MINDY4: variants seen among roughly 807,000 people sequenced by gnomAD.
The protein encoded by MINDY4 is probable ubiquitin carboxyl-terminal hydrolase MINDY-4.
A neutral mutation model predicts 87.0 loss-of-function variants in MINDY4; 68 were observed. The ratio of observed to expected loss-of-function variants is 0.78; its 90% CI spans 0.64 to 0.96. The LOEUF is 0.96. MINDY4 is among the 40% of genes least tolerant of loss of function. MINDY4 has a pLI of 0.00. For missense variants in MINDY4, 919 were observed against 928.2 expected (o/e 0.99, Z 0.13); for synonymous variants, 379 against 363.2 (o/e 1.04, Z -0.50).
chr7:30,882,648 A>G (rs1265955151), intron 16 of MINDY4, among the ~76,000 whole-genome samples: 2 of 152,220 alleles, frequency 1.3e-5, no homozygotes, highest in African/African-American at 2.4e-5. Context: ...TGTATTCTTC[A>G]GGCAGTGGCG....
chr7:30,887,776 C>T (rs1047987316), intron 17 of MINDY4, among the ~76,000 whole-genome samples: 1 of 152,200 alleles, frequency 6.6e-6, no homozygotes, highest in Non-Finnish European at 1.5e-5. Flanking sequence ...TGGGTGCTGA[C>T]GGGGACCCGC....
intron 1 of MINDY4, among the ~76,000 whole-genome samples, chr7:30,777,014 CTT>C (rs200146980): frequency 7.8e-6 from 1 of 129,004 alleles, no homozygotes; most frequent in African/African-American, 3.1e-5. Flanking sequence ...TTTTCTTTTT[CTT>C]TTTTTTTTTT....
intron 5 of MINDY4, among the ~76,000 whole-genome samples, chr7:30,809,071 G>GT (rs773612481): frequency 2.0e-5 from 3 of 152,056 alleles, no homozygotes; most frequent in Non-Finnish European, 4.4e-5. Context: ...AAAAAAAACA[G>GT]TGTACCCTAT....
At chr7:30,853,817 GGAA>G (rs1789489966) in intron 12 of MINDY4, among the ~76,000 whole-genome samples, 2 of 152,240 alleles carry the variant, frequency 1.3e-5, no homozygotes, top group Non-Finnish European at 2.9e-5. Flanking sequence ...AGCCGCCACT[GGAA>G]TACAGGAGCT....
intron 17 of MINDY4, among the ~76,000 whole-genome samples, chr7:30,884,052 G>C (rs1195525215): frequency 6.6e-6 from 1 of 152,176 alleles, no homozygotes; most frequent in Admixed American, 6.5e-5. Context: ...TGATCTCAGA[G>C]AATCTCCATT....
chr7:30,810,174 C>CAAAAAAAAAAAAA (rs58498956), intron 5 of MINDY4, among the ~76,000 whole-genome samples: 2 of 66,698 alleles, frequency 3.0e-5, no homozygotes, highest in Non-Finnish European at 5.3e-5. Context: ...GACTCTGTTT[C>CAAAAAAAAAAAAA]AAAAAAAAAA....
intron 6 of MINDY4, among the ~76,000 whole-genome samples, chr7:30,832,574 C>T (rs1167619935): frequency 6.6e-6 from 1 of 152,170 alleles, no homozygotes; most frequent in Non-Finnish European, 1.5e-5. Flanking sequence ...GTAATCTCAG[C>T]TTACTGCACC....
intron 5 of MINDY4, among the ~76,000 whole-genome samples, chr7:30,802,341 C>T (rs1412691085): frequency 6.6e-6 from 1 of 151,970 alleles, no homozygotes; most frequent in Non-Finnish European, 1.5e-5. Context: ...GGGAAGGTCT[C>T]TTAAAATTTT....
At chr7:30,774,530 C>T (rs1400002660) in intron 1 of MINDY4, among the ~76,000 whole-genome samples, 3 of 150,440 alleles carry the variant, frequency 2.0e-5, no homozygotes, top group South Asian at 2.1e-4. Context: ...TATAGAAACC[C>T]CATAAAGGAC....
At position 30,835,355 on chromosome 7, in the gene MINDY4, G is replaced by A. The variant is rs540607449; in HGVS notation, c.1133-1303G>A. Among the ~76,000 whole-genome samples the A allele has an allele frequency of 7.3e-4, 111 of 152,258 alleles. 1 individual carries two copies. The highest frequency in any genetic ancestry group is 3.4e-3 in the Middle Eastern group (1 of 294). ...GAGACTTATTCACTATCATGAGAAC[G>A]GCACAGGAAAGACCCACTCCCATGA... On this transcript the variant is annotated intron_variant, in intron 6 of 17. Transcript: ENST00000265299.
intron 1 of MINDY4, among the ~76,000 whole-genome samples, chr7:30,773,217 C>G (rs955294681): frequency 5.9e-5 from 9 of 152,226 alleles, no homozygotes; most frequent in Admixed American, 2.0e-4. Flanking sequence ...ACCCAGCAGT[C>G]GTAACCAAGA....
chr7:30,784,178 C>T (rs531776180), intron 3 of MINDY4, among the ~76,000 whole-genome samples: 31 of 152,130 alleles, frequency 2.0e-4, no homozygotes, highest in Admixed American at 6.5e-4. Flanking sequence ...TCCTCCGAGG[C>T]ACTTACTACC....
chr7:30,840,885 C>T (rs764649250), intron 9 of MINDY4, 37 bp downstream of exon 9: 33 of 1,571,980 alleles, frequency 2.1e-5, no homozygotes, highest in Non-Finnish European at 2.9e-5. Flanking sequence ...TCTTATTTTC[C>T]CAAGTCTTCC....
chr7:30,796,386 A>G (rs1156693806), intron 5 of MINDY4, among the ~76,000 whole-genome samples: 1 of 152,194 alleles, frequency 6.6e-6, no homozygotes, highest in African/African-American at 2.4e-5. Flanking sequence ...GCTTAGGGTC[A>G]TCATTAATTT....
chr7:30,859,347 T>A (rs1383398514), intron 13 of MINDY4, 23 bp downstream of exon 13: 5 of 1,609,470 alleles, frequency 3.1e-6, no homozygotes, highest in Non-Finnish European at 4.3e-6. Flanking sequence ...CTCCCTCAAC[T>A]CCCTGGGGCT....
At chr7:30,786,325 T>C (rs1236759736) in intron 4 of MINDY4, 3 of 259,960 alleles carry the variant, frequency 1.2e-5, no homozygotes, top group Non-Finnish European at 2.2e-5. Flanking sequence ...TCAGAGAGCA[T>C]CTTTAGGCTG....
chr7:30,810,174 CAAAAAAA>C (rs58498956), intron 5 of MINDY4, among the ~76,000 whole-genome samples: 39 of 66,706 alleles, frequency 5.8e-4, no homozygotes, highest in South Asian at 3.0e-3. Flanking sequence ...GACTCTGTTT[CAAAAAAA>C]AAAAAAAAAA....
intron 17 of MINDY4, among the ~76,000 whole-genome samples, chr7:30,883,978 C>T (rs527749297): frequency 2.1e-4 from 32 of 152,090 alleles, no homozygotes; most frequent in African/African-American, 6.3e-4. Flanking sequence ...GTGTCTGGGA[C>T]GTTACTAAGT....
intron 13 of MINDY4, among the ~76,000 whole-genome samples, chr7:30,865,531 C>G (rs1789907260): frequency 6.6e-6 from 1 of 152,236 alleles, no homozygotes. Context: ...GCCACCTGCT[C>G]CTTTGTCCCC....
Sources: gnomAD v4.1 joint callset for allele counts (sites outside exome capture counted in the v4.1 genomes callset) on GRCh38, gnomAD v4.1.1 for gene constraint, MANE v1.5 for transcripts, NCBI Gene and HGNC (gene_info 2026-07-23, HGNC 2026-07-21) for gene names.